Variants in DYRK1A observed in about 807,000 individuals in gnomAD.
DYRK1A encodes dual specificity tyrosine phosphorylation regulated kinase 1A.
In DYRK1A, 9 loss-of-function variants were observed where a neutral mutation model predicts 79.7. The observed-to-expected ratio is 0.11, with a 90% confidence interval of 0.07 to 0.20. The LOEUF is 0.20. Among genes scored for constraint, DYRK1A ranks in the 10% least tolerant of loss-of-function variants. DYRK1A has a pLI of 1.00. For missense variants in DYRK1A, 622 were observed against 956.0 expected (o/e 0.65, Z 4.61); for synonymous variants, 349 against 329.7 (o/e 1.06, Z -0.63).
At chr21:37,452,976 GGCTTAC>G (rs1408064466) in intron 2 of DYRK1A, among the ~76,000 whole-genome samples, 23 of 152,268 alleles carry the variant, frequency 1.5e-4, no homozygotes, top group African/African-American at 4.8e-4. Flanking sequence ...CTGGAGTGGT[GGCTTAC>G]GCCTATAATC....
chr21:37,401,387 G>A (rs2050049889), intron 1 of DYRK1A, among the ~76,000 whole-genome samples: 1 of 151,586 alleles, frequency 6.6e-6, no homozygotes, highest in South Asian at 2.1e-4. Context: ...TCTTGAACCT[G>A]CCTGTTTTTT....
At chr21:37,449,173 G>A (rs2051365592) in intron 2 of DYRK1A, among the ~76,000 whole-genome samples, 1 of 152,190 alleles carries the variant, frequency 6.6e-6, no homozygotes, top group Non-Finnish European at 1.5e-5. Context: ...CGTTTGACCA[G>A]TGTTTTCAAG....
intron 2 of DYRK1A, among the ~76,000 whole-genome samples, chr21:37,468,349 T>C (rs2052105374): frequency 6.6e-6 from 1 of 152,020 alleles, no homozygotes; most frequent in Non-Finnish European, 1.5e-5. Flanking sequence ...GCTCAAGTGA[T>C]TCCCGCCTTG....
At chr21:37,442,946 C>T (rs964183488) in intron 2 of DYRK1A, among the ~76,000 whole-genome samples, 3 of 152,110 alleles carry the variant, frequency 2.0e-5, no homozygotes, top group Non-Finnish European at 4.4e-5. Context: ...GGAATCTTCT[C>T]CTGCCTCAGG....
rs144530389 is a variant in DYRK1A at position 37,475,417 on chromosome 21, C to T, written c.207+2537C>T. Among the ~76,000 whole-genome samples the T allele has an allele frequency of 9.6e-3, 1,465 of 152,176 alleles. 21 individuals are homozygous for T. The highest frequency in any genetic ancestry group is 0.034 in the African/African-American group (1,402 of 41,492). On this transcript the variant is annotated intron_variant, in intron 3 of 11. Coordinates refer to ENST00000647188, the MANE Select transcript of DYRK1A (RefSeq NM_001347721.2). ...GAAAGTGTCAGATGCTTAGGGCTGG[C>T]CTTGAGTGTTAGTATAGATATATAA...
At chr21:37,375,195 A>G (rs937870905) in intron 1 of DYRK1A, 4 of 151,236 alleles carry the variant, frequency 2.6e-5, no homozygotes, top group African/African-American at 4.9e-5. Flanking sequence ...CCTATAGAAA[A>G]ATAATGTGAA....
At chr21:37,489,637 A>C (rs1329020170) in intron 6 of DYRK1A, among the ~76,000 whole-genome samples, 1 of 151,904 alleles carries the variant, frequency 6.6e-6, no homozygotes, top group African/African-American at 2.4e-5. Context: ...AAAGGGTAAA[A>C]AAAAAAAAGG....
intron 1 of DYRK1A, among the ~76,000 whole-genome samples, chr21:37,381,150 T>G (rs1373025198): frequency 1.3e-5 from 2 of 152,220 alleles, no homozygotes; most frequent in African/African-American, 4.8e-5. Flanking sequence ...AAACATTTGT[T>G]GAATGAATCA....
chr21:37,442,398 C>CT (rs1352689188), intron 2 of DYRK1A, among the ~76,000 whole-genome samples: 2 of 152,074 alleles, frequency 1.3e-5, no homozygotes, highest in Non-Finnish European at 2.9e-5. Flanking sequence ...TTTTTAAAAT[C>CT]TCTTCTGTTT....
intron 1 of DYRK1A, among the ~76,000 whole-genome samples, chr21:37,400,148 G>A (rs913845808): frequency 2.6e-5 from 4 of 151,976 alleles, no homozygotes; most frequent in Admixed American, 2.0e-4. Context: ...AGCATTACTT[G>A]ACTTGTGGCC....
chr21:37,438,611 C>T (rs915913865), intron 2 of DYRK1A, among the ~76,000 whole-genome samples: 1 of 152,096 alleles, frequency 6.6e-6, no homozygotes, highest in Non-Finnish European at 1.5e-5. Flanking sequence ...TGCCTTTGCA[C>T]CTTTGTCAAA....
At chr21:37,452,313 C>G (rs1367802064) in intron 2 of DYRK1A, among the ~76,000 whole-genome samples, 1 of 143,264 alleles carries the variant, frequency 7.0e-6, no homozygotes, top group East Asian at 2.1e-4. Flanking sequence ...ATGAGACATT[C>G]CAGAGGCCAA....
Position 37,498,362 on chromosome 21 carries a change from G to C in DYRK1A, c.1212+2104G>C, listed in dbSNP as rs546166710. ...TCCAAATCCTCTTGTGACCTTTTCT[G>C]TTATCCCACTACTTTCTGATTTCTA... On this transcript the variant is annotated intron_variant, in intron 9 of 11. Coordinates refer to ENST00000647188, the MANE Select transcript of DYRK1A (RefSeq NM_001347721.2). 5.3e-5 allele frequency among the ~76,000 whole-genome samples: 8 copies of C among 152,156 alleles called. No individual in the cohort carries two copies. In the South Asian group the frequency reaches 1.7e-3, roughly 32 times the overall value.
At chr21:37,479,597 TTTGTTTTTG>T (rs1569362008) in intron 4 of DYRK1A, among the ~76,000 whole-genome samples, 1 of 68,934 alleles carries the variant, frequency 1.5e-5, no homozygotes, top group African/African-American at 1.1e-4. Context: ...GTGTTTTGTT[TTTGTTTTTG>T]TTTTTGTTTT....
chr21:37,462,514 A>G (rs1229898031), intron 2 of DYRK1A, among the ~76,000 whole-genome samples: 1 of 152,122 alleles, frequency 6.6e-6, no homozygotes, highest in South Asian at 2.1e-4. Context: ...TGTGAATTTT[A>G]GTAGTTATTC....
At chr21:37,374,100 T>G (rs1288841542) in intron 1 of DYRK1A, among the ~76,000 whole-genome samples, 4 of 152,182 alleles carry the variant, frequency 2.6e-5, no homozygotes, top group African/African-American at 9.7e-5. Context: ...TTACTGACGC[T>G]TTATTTTCTG....
At chr21:37,463,232 G>GTGTGTGTGTGTA (rs1555973890) in intron 2 of DYRK1A, among the ~76,000 whole-genome samples, 3 of 147,500 alleles carry the variant, frequency 2.0e-5, no homozygotes, top group African/African-American at 7.5e-5. Flanking sequence ...GTGTGTGTGT[G>GTGTGTGTGTGTA]TATCCTGTAG....
intron 2 of DYRK1A, among the ~76,000 whole-genome samples, chr21:37,471,250 A>T (rs1162035473): frequency 6.6e-6 from 1 of 152,148 alleles, no homozygotes; most frequent in East Asian, 1.9e-4. Flanking sequence ...TAGGAGAGGG[A>T]ATGAGCAAGA....
At chr21:37,417,879 GT>G (rs1474706285) in intron 1 of DYRK1A, among the ~76,000 whole-genome samples, 1 of 152,080 alleles carries the variant, frequency 6.6e-6, no homozygotes, top group Admixed American at 6.6e-5. Flanking sequence ...GTCATGAGAG[GT>G]TCCTGTGGTA....
Sources: gnomAD v4.1 joint callset for allele counts (sites outside exome capture counted in the v4.1 genomes callset) on GRCh38, gnomAD v4.1.1 for gene constraint, MANE v1.5 for transcripts, NCBI Gene and HGNC (gene_info 2026-07-23, HGNC 2026-07-21) for gene names.